Variants in NRXN3 observed in about 807,000 individuals in gnomAD.
NRXN3 encodes the protein neurexin 3.
A neutral mutation model predicts 137.6 loss-of-function variants in NRXN3; 32 were observed. That is an observed-to-expected ratio of 0.23 (90% CI 0.18 to 0.31). The LOEUF (loss-of-function observed/expected upper bound fraction) is 0.31, where lower values mean the gene tolerates loss of function less well. Among genes scored for constraint, NRXN3 ranks in the 10% least tolerant of loss-of-function variants. The probability of loss-of-function intolerance (pLI) is 1.00; values close to 1 mark genes in which losing one functional copy is unlikely to be tolerated. For synonymous variants in NRXN3, 798 were observed against 784.5 expected (o/e 1.02, Z -0.29); for missense variants, 1,574 against 2,062.5 (o/e 0.76, Z 4.59).
chr14:78,579,699 C>G (rs148827803), intron 4 of NRXN3, among the ~76,000 whole-genome samples: 1 of 152,242 alleles, frequency 6.6e-6, no homozygotes, highest in African/African-American at 2.4e-5. Flanking sequence ...TCTCAACTGG[C>G]TAGAAGAGAG....
chr14:78,334,581 C>T lies in NRXN3; in HGVS notation c.757+36721C>T, dbSNP rs999296173. On this transcript the variant is annotated intron_variant, in intron 4 of 20. Transcript: ENST00000335750. ...GATCTCGTCTGAAGTTGTGTGTGTG[C>T]GTGTTTGTTTTTTAAAGTGCTTAAT... Among the ~76,000 whole-genome samples, 15 of 152,090 alleles carry T rather than the reference C, an allele frequency of 9.9e-5. 1 individual carries two copies. Among genetic ancestry groups the T allele is most frequent in the Non-Finnish European group, 1.5e-4 (10 of 68,008 alleles).
chr14:78,524,579 C>T (rs1223830908), intron 4 of NRXN3, among the ~76,000 whole-genome samples: 1 of 152,132 alleles, frequency 6.6e-6, no homozygotes, highest in African/African-American at 2.4e-5. Context: ...TTTATAACAA[C>T]TTCCCCAGGC....
At chr14:78,420,939 G>A (rs1316318030) in intron 4 of NRXN3, among the ~76,000 whole-genome samples, 1 of 152,188 alleles carries the variant, frequency 6.6e-6, no homozygotes, top group Admixed American at 6.5e-5. Flanking sequence ...GAACTTATGA[G>A]AGTTGGAGAG....
In NRXN3 at chr14:79,864,507, G is replaced by C. The variant is rs1428765028; in HGVS notation, c.*2543G>C. The C allele has an allele frequency of 6.6e-6, 1 of 152,548 alleles. No individual in the cohort carries two copies. Among genetic ancestry groups the C allele is most frequent in the African/African-American group, 2.4e-5 (1 of 41,436 alleles). The allele number at this position is 152,548 out of a possible 1,614,324, so 9.4% of individuals were successfully genotyped here. ...TATGTCATATCTTATTAAAAGCCGA[G>C]TAAGAGCTAGACCACTTTCATGTGA... is the stretch of plus-strand genomic sequence containing the variant. On this transcript the variant is annotated 3_prime_UTR_variant, in exon 21 of 21. Transcript: ENST00000335750.
intron 15 of NRXN3, among the ~76,000 whole-genome samples, chr14:79,276,747 GGT>G (rs1186286966): frequency 6.6e-6 from 1 of 151,652 alleles, no homozygotes; most frequent in African/African-American, 2.4e-5. Context: ...TAAGTGGGTA[GGT>G]GGTCAGTTTA....
chr14:78,441,911 A>G (rs1416476209), intron 4 of NRXN3, among the ~76,000 whole-genome samples: 1 of 152,092 alleles, frequency 6.6e-6, no homozygotes. Context: ...CCTGGCCAGC[A>G]TGGTGAAACC....
At chr14:79,518,481 G>T (rs2097021371) in intron 16 of NRXN3, among the ~76,000 whole-genome samples, 1 of 151,734 alleles carries the variant, frequency 6.6e-6, no homozygotes. Flanking sequence ...ATTATGAATG[G>T]TTCTTTTCTG....
chr14:78,394,037 A>T (rs1010419816), intron 4 of NRXN3, among the ~76,000 whole-genome samples: 2 of 151,978 alleles, frequency 1.3e-5, no homozygotes, highest in Admixed American at 1.3e-4. Flanking sequence ...AAATTATGTT[A>T]TCTGCAAATA....
At chr14:78,338,452 A>T (rs186554764) in intron 4 of NRXN3, among the ~76,000 whole-genome samples, 1 of 152,244 alleles carries the variant, frequency 6.6e-6, no homozygotes, top group Non-Finnish European at 1.5e-5. Flanking sequence ...TGGTGGGGGA[A>T]TGGGGACTCT....
chr14:79,774,250 T>G (rs1419004633), intron 19 of NRXN3, among the ~76,000 whole-genome samples: 1 of 152,138 alleles, frequency 6.6e-6, no homozygotes, highest in Admixed American at 6.6e-5. Context: ...ATCCCACAGG[T>G]GGATGTTCAT....
chr14:78,956,474 A>G (rs1275525875), intron 10 of NRXN3, among the ~76,000 whole-genome samples: 2 of 152,198 alleles, frequency 1.3e-5, no homozygotes, highest in East Asian at 3.8e-4. Flanking sequence ...GGATCTCTTG[A>G]GACAACTTGG....
chr14:78,363,027 G>A (rs758707625), intron 4 of NRXN3, among the ~76,000 whole-genome samples: 3 of 152,170 alleles, frequency 2.0e-5, no homozygotes, highest in Non-Finnish European at 4.4e-5. Flanking sequence ...AGATCCTATT[G>A]TCAATCTGCC....
intron 15 of NRXN3, among the ~76,000 whole-genome samples, chr14:79,001,708 A>T (rs1433135726): frequency 6.6e-6 from 1 of 152,214 alleles, no homozygotes; most frequent in East Asian, 1.9e-4. Context: ...CTGGCTTGGC[A>T]TCTAAAGGGA....
At chr14:79,242,155 C>T (rs1014183058) in intron 15 of NRXN3, among the ~76,000 whole-genome samples, 11 of 152,076 alleles carry the variant, frequency 7.2e-5, no homozygotes, top group African/African-American at 2.4e-4. Flanking sequence ...AAACAAGACT[C>T]ATAAAAGTCA....
chr14:78,734,252 CA>C (rs367767090), intron 8 of NRXN3, among the ~76,000 whole-genome samples: 8,300 of 138,310 alleles, frequency 0.06, 299 homozygotes, highest in East Asian at 0.12. Context: ...CACACACACA[CA>C]CCCTTTTCAT....
intron 16 of NRXN3, among the ~76,000 whole-genome samples, chr14:79,589,970 GAGTAAT>G (rs1409040123): frequency 1.3e-5 from 2 of 152,190 alleles, no homozygotes; most frequent in Non-Finnish European, 2.9e-5. Context: ...GCAGAAACAT[GAGTAAT>G]AGCTTTTATT....
rs771866662 is a variant in NRXN3 at position 78,278,622 on chromosome 14, T to G, written c.710-23T>G. The G allele has an allele frequency of 5.2e-6, 8 of 1,532,292 alleles. No individual in the cohort carries two copies. The Middle Eastern group carries it at 6.7e-4, about 128-fold the overall frequency. The allele number at this position is 1,532,292 out of a possible 1,614,324, so 94.9% of individuals were successfully genotyped here. On this transcript the variant is annotated intron_variant, in intron 2 of 20. Transcript: ENST00000335750. ...CTTTTCTCTCCTCTCTCCCTTTCCC[T>G]CCCTTTGAAAATGCTGCCACAGATG... is the stretch of plus-strand genomic sequence containing the variant.
intron 10 of NRXN3, among the ~76,000 whole-genome samples, chr14:78,823,327 C>G (rs2098956587): frequency 6.6e-6 from 1 of 152,128 alleles, no homozygotes; most frequent in South Asian, 2.1e-4. Context: ...ATCCCCGAGG[C>G]TCTTCTACGC....
At position 79,866,102 on chromosome 14, in the gene NRXN3, CTT is replaced by C. The variant is rs576343193; in HGVS notation, c.*4142_*4143del. ...GAAAATGGCTAGAAGGATTTTAAGC[CTT>C]TTTGTCTCTTGTATAAATCTATACA... On this transcript the variant is annotated 3_prime_UTR_variant, in exon 21 of 21. Coordinates refer to ENST00000335750, the MANE Select transcript of NRXN3 (RefSeq NM_001330195.2). 2.7e-3 allele frequency: 406 copies of C among 152,226 alleles called. No individual in the cohort carries two copies. Among genetic ancestry groups the C allele is most frequent in the African/African-American group, 9.6e-3 (398 of 41,552 alleles). 9.4% of individuals were successfully genotyped at this position (152,226 alleles called of 1,614,324 possible).
Sources: gnomAD v4.1 joint callset for allele counts (sites outside exome capture counted in the v4.1 genomes callset) on GRCh38, gnomAD v4.1.1 for gene constraint, MANE v1.5 for transcripts, NCBI Gene and HGNC (gene_info 2026-07-23, HGNC 2026-07-21) for gene names.